AP3S1: variants seen among roughly 807,000 people sequenced by gnomAD.
AP3S1 encodes the protein adaptor related protein complex 3 subunit sigma 1.
Under a neutral mutation model 21.3 loss-of-function variants are expected in AP3S1, and 12 were observed. The ratio of observed to expected loss-of-function variants is 0.56; its 90% CI spans 0.36 to 0.91. The LOEUF (loss-of-function observed/expected upper bound fraction) is 0.91, where lower values mean the gene tolerates loss of function less well. Among genes scored for constraint, AP3S1 ranks in the 40% least tolerant of loss-of-function variants. The probability of loss-of-function intolerance (pLI) is 0.01; values close to 1 mark genes in which losing one functional copy is unlikely to be tolerated. For missense variants in AP3S1, 116 were observed against 225.0 expected, an observed-to-expected ratio of 0.52 and a Z score of 3.10; for synonymous variants, 48 against 78.4, an observed-to-expected ratio of 0.61 and a Z score of 2.05.
intron 3 of AP3S1, among the ~76,000 whole-genome samples, chr5:115,877,935 T>G (rs1748881384): frequency 6.6e-6 from 1 of 152,192 alleles, no homozygotes; most frequent in Non-Finnish European, 1.5e-5. Context: ...TTGATTTGCA[T>G]TTCCATAATG....
chr5:115,891,138 G>A (rs1158092667), intron 3 of AP3S1, among the ~76,000 whole-genome samples: 1 of 152,098 alleles, frequency 6.6e-6, no homozygotes, highest in East Asian at 1.9e-4. Flanking sequence ...GATAAAGTTG[G>A]GAGTTTGGGT....
intron 3 of AP3S1, among the ~76,000 whole-genome samples, chr5:115,892,234 C>T (rs1750369926): frequency 6.6e-6 from 1 of 152,114 alleles, no homozygotes; most frequent in South Asian, 2.1e-4. Flanking sequence ...AGCACAGCCA[C>T]CATGGGGAGC....
rs1368786684 is a variant in AP3S1 at position 115,870,056 on chromosome 5, T to A, written c.201T>A (p.His67Gln). ...CTGACAACAAACTGATTTATAGACA[T>A]TATGCAACGTTATATTTTGTCTTCT... Reference protein sequence around the residue: ...GGSDNKLIYRHYATLYFVFCV... With the variant: ...GGSDNKLIYRQYATLYFVFCV... Residue 67 changes from histidine to glutamine, a missense_variant, in exon 3 of 6, where the codon CAT (histidine) becomes CAA (glutamine). His to Gln is a conservative substitution (Grantham distance 24, BLOSUM62 0). Coordinates refer to ENST00000316788, the MANE Select transcript of AP3S1 (RefSeq NM_001284.4). 1 of 1,608,882 alleles carries A rather than the reference T, an allele frequency of 6.2e-7. No homozygotes were observed. The highest frequency in any genetic ancestry group is 8.5e-7 in the Non-Finnish European group (1 of 1,178,766).
At chr5:115,883,983 G>T (rs578177788) in intron 3 of AP3S1, among the ~76,000 whole-genome samples, 1 of 152,098 alleles carries the variant, frequency 6.6e-6, no homozygotes, top group East Asian at 1.9e-4. Context: ...AAATTAAGTC[G>T]CTTAAATGGA....
intron 5 of AP3S1, among the ~76,000 whole-genome samples, chr5:115,910,715 T>C (rs1752032472): frequency 6.6e-6 from 1 of 152,162 alleles, no homozygotes; most frequent in African/African-American, 2.4e-5. Flanking sequence ...TAGCCCTAAA[T>C]TTTTATATAT....
intron 3 of AP3S1, among the ~76,000 whole-genome samples, chr5:115,878,382 G>T (rs1479273897): frequency 6.6e-6 from 1 of 152,176 alleles, no homozygotes; most frequent in African/African-American, 2.4e-5. Context: ...TTTGTATAAG[G>T]TGTAAGGAAG....
chr5:115,851,022 T>G (rs1451520694), intron 1 of AP3S1, among the ~76,000 whole-genome samples: 1 of 152,208 alleles, frequency 6.6e-6, no homozygotes, highest in African/African-American at 2.4e-5. Flanking sequence ...TTATAGTGTG[T>G]GGTGCAGCAT....
intron 3 of AP3S1, among the ~76,000 whole-genome samples, chr5:115,870,683 A>T (rs138581904): frequency 5.3e-5 from 8 of 152,214 alleles, no homozygotes; most frequent in African/African-American, 1.4e-4. Context: ...TTCTTCTCAA[A>T]CACCTCCAAA....
At position 115,854,095 on chromosome 5, in the gene AP3S1, C is replaced by T. The variant is rs1165004913; in HGVS notation, c.69+11989C>T. ...TGAAAGGCATCACATGGTATGCACACGTGGGCAAGTGTGGGAGAAAACTTG... is the reference window on the plus strand; with the variant it reads ...TGAAAGGCATCACATGGTATGCACATGTGGGCAAGTGTGGGAGAAAACTTG... On this transcript the variant is annotated intron_variant, in intron 1 of 5. Coordinates refer to ENST00000316788, the MANE Select transcript of AP3S1 (RefSeq NM_001284.4). 3.3e-5 allele frequency among the ~76,000 whole-genome samples: 5 copies of T among 152,200 alleles called. No individual in the cohort carries two copies. In the East Asian group the frequency reaches 5.8e-4, roughly 18 times the overall value.
chr5:115,889,086 C>A (rs1750048808), intron 3 of AP3S1, among the ~76,000 whole-genome samples: 1 of 152,030 alleles, frequency 6.6e-6, no homozygotes, highest in South Asian at 2.1e-4. Context: ...TTTTACCACT[C>A]CATACTTTAC....
intron 5 of AP3S1, among the ~76,000 whole-genome samples, chr5:115,912,447 G>A (rs10035985): frequency 0.39 from 59,401 of 151,766 alleles, 12,173 homozygotes; most frequent in African/African-American, 0.49. Context: ...AAAATGATAT[G>A]TATGCATTTT....
At chr5:115,878,974 TC>T (rs953905794) in intron 3 of AP3S1, among the ~76,000 whole-genome samples, 68 of 152,318 alleles carry the variant, frequency 4.5e-4, no homozygotes, top group Middle Eastern at 3.4e-3. Context: ...GAATGGGAGT[TC>T]ACTCCTAATT....
chr5:115,913,255 C>T (rs1752240520), intron 5 of AP3S1, 107 bp from the exon 6 acceptor site: 1 of 844,804 alleles, frequency 1.2e-6, no homozygotes, highest in South Asian at 4.6e-5. Context: ...GGTCCCTAAG[C>T]TTGTTATATG....
At chr5:115,889,079 TA>T (rs1321836138) in intron 3 of AP3S1, among the ~76,000 whole-genome samples, 19 of 152,156 alleles carry the variant, frequency 1.2e-4, no homozygotes, top group Non-Finnish European at 2.6e-4. Context: ...CCATGTTTTT[TA>T]CCACTCCATA....
At chr5:115,870,197 A>G (rs1748103835) in intron 3 of AP3S1, 69 bp downstream of exon 3, 2 of 964,990 alleles carry the variant, frequency 2.1e-6, no homozygotes, top group Non-Finnish European at 3.1e-6. Flanking sequence ...AAACTTATAT[A>G]TTCTAAATTT....
intron 1 of AP3S1, among the ~76,000 whole-genome samples, chr5:115,855,327 C>T (rs1042444901): frequency 6.6e-6 from 1 of 152,112 alleles, no homozygotes; most frequent in African/African-American, 2.4e-5. Context: ...GCGTGAGCCA[C>T]CGTGCCTAGT....
intron 3 of AP3S1, among the ~76,000 whole-genome samples, chr5:115,884,708 A>G (rs1469255275): frequency 1.3e-5 from 2 of 152,266 alleles, no homozygotes; most frequent in African/African-American, 2.4e-5. Flanking sequence ...TCAACTATAC[A>G]GAGTCTTTCT....
intron 3 of AP3S1, among the ~76,000 whole-genome samples, chr5:115,871,778 G>A (rs1314255685): frequency 1.3e-5 from 2 of 151,984 alleles, no homozygotes; most frequent in Admixed American, 1.3e-4. Context: ...ATCATTTTCT[G>A]TTTCCCCGGT....
intron 1 of AP3S1, among the ~76,000 whole-genome samples, chr5:115,848,000 C>G (rs1762180594): frequency 6.6e-6 from 1 of 152,110 alleles, no homozygotes; most frequent in Non-Finnish European, 1.5e-5. Context: ...AAGACTAAAC[C>G]TTTTGAATAT....
Sources: gnomAD v4.1 joint callset for allele counts (sites outside exome capture counted in the v4.1 genomes callset) on GRCh38, gnomAD v4.1.1 for gene constraint, MANE v1.5 for transcripts, NCBI Gene and HGNC (gene_info 2026-07-23, HGNC 2026-07-21) for gene names.